SLC4A5: variants seen among roughly 807,000 people sequenced by gnomAD.
The protein encoded by SLC4A5 is electrogenic sodium bicarbonate cotransporter 4.
Under a neutral mutation model 120.4 loss-of-function variants are expected in SLC4A5, and 96 were observed. That is an observed-to-expected ratio of 0.80 (90% CI 0.68 to 0.94). The LOEUF is 0.94. Ranked by LOEUF, SLC4A5 falls within the 40% of genes least tolerant of loss-of-function variation. The pLI is 0.00. For missense variants in SLC4A5, 1,259 were observed against 1,459.5 expected, an observed-to-expected ratio of 0.86 and a Z score of 2.24; for synonymous variants, 550 against 571.1, an observed-to-expected ratio of 0.96 and a Z score of 0.53.
At chr2:74,288,350 C>A (rs558401419) in intron 7 of SLC4A5, among the ~76,000 whole-genome samples, 1 of 152,126 alleles carries the variant, frequency 6.6e-6, no homozygotes, top group Non-Finnish European at 1.5e-5. Flanking sequence ...AAATTCACAA[C>A]CCCTGCCCTC....
At chr2:74,268,816 T>G (rs1671383746) in intron 8 of SLC4A5, among the ~76,000 whole-genome samples, 1 of 152,262 alleles carries the variant, frequency 6.6e-6, no homozygotes, top group African/African-American at 2.4e-5. Flanking sequence ...TTTGCACTCT[T>G]CTGATTACTA....
At chr2:74,231,573 G>A (rs1670086030) in intron 24 of SLC4A5, among the ~76,000 whole-genome samples, 1 of 152,222 alleles carries the variant, frequency 6.6e-6, no homozygotes, top group Non-Finnish European at 1.5e-5. Context: ...GCTTGAGCAG[G>A]ACTGATGTGG....
intron 11 of SLC4A5, among the ~76,000 whole-genome samples, chr2:74,261,686 G>A (rs140637656): frequency 2.5e-4 from 38 of 152,248 alleles, no homozygotes; most frequent in East Asian, 1.4e-3. Context: ...AAAAGGGGCC[G>A]TGACTCTGCC....
chr2:74,325,524 G>A (rs1673197907), intron 5 of SLC4A5, among the ~76,000 whole-genome samples: 1 of 152,128 alleles, frequency 6.6e-6, no homozygotes, highest in Non-Finnish European at 1.5e-5. Context: ...TTGGCCCTGG[G>A]GAAGTGTTTG....
chr2:74,242,467 T>C (rs1386796341), intron 19 of SLC4A5, among the ~76,000 whole-genome samples: 2 of 152,176 alleles, frequency 1.3e-5, no homozygotes, highest in Non-Finnish European at 2.9e-5. Flanking sequence ...TATTCATTTG[T>C]TTAATTCCCA....
intron 27 of SLC4A5, among the ~76,000 whole-genome samples, chr2:74,225,230 C>T (rs887172937): frequency 6.6e-6 from 1 of 152,074 alleles, no homozygotes; most frequent in Non-Finnish European, 1.5e-5. Context: ...CCAAGAGGGA[C>T]GGAGCCTGTG....
intron 6 of SLC4A5, chr2:74,307,468 G>T (rs192681206): frequency 4.8e-6 from 3 of 625,382 alleles, no homozygotes; most frequent in African/African-American, 1.8e-5. Flanking sequence ...TGGAGCCCAC[G>T]GATGTCGCTC....
At chr2:74,308,541 AT>A in intron 6 of SLC4A5, among the ~76,000 whole-genome samples, 1 of 152,294 alleles carries the variant, frequency 6.6e-6, no homozygotes, top group South Asian at 2.1e-4. Flanking sequence ...GTGTTTGCTC[AT>A]ATCTTTTGTC....
intron 10 of SLC4A5, 77 bp from the exon 11 acceptor site, chr2:74,262,309 A>G: frequency 9.7e-7 from 1 of 1,026,998 alleles, no homozygotes; most frequent in Non-Finnish European, 1.5e-6. Flanking sequence ...AGTTCACTTT[A>G]ACTAAATAAA....
chr2:74,277,392 C>T (rs529041835), intron 8 of SLC4A5, among the ~76,000 whole-genome samples: 7 of 151,928 alleles, frequency 4.6e-5, no homozygotes, highest in Non-Finnish European at 7.4e-5. Flanking sequence ...CTACTAAAAA[C>T]GCAAAAACTA....
At chr2:74,261,180 G>A (rs1320811059) in intron 11 of SLC4A5, among the ~76,000 whole-genome samples, 1 of 152,156 alleles carries the variant, frequency 6.6e-6, no homozygotes, top group Non-Finnish European at 1.5e-5. Flanking sequence ...ATCCATTCGT[G>A]CCTCTTGTCC....
intron 5 of SLC4A5, 78 bp downstream of exon 5, chr2:74,328,037 TCTGTG>T (rs1673259905): frequency 9.9e-6 from 7 of 706,720 alleles, no homozygotes; most frequent in Admixed American, 6.3e-5. Flanking sequence ...TCTTAAATAC[TCTGTG>T]TTCATGCTAT....
chr2:74,259,469 T>A (rs942421505), intron 12 of SLC4A5, 119 bp downstream of exon 12: 1 of 1,179,994 alleles, frequency 8.5e-7, no homozygotes, highest in Non-Finnish European at 1.3e-6. Context: ...GGGATCTTCC[T>A]GGAACTCCCA....
At chr2:74,281,290 G>A (rs1671805583) in intron 8 of SLC4A5, among the ~76,000 whole-genome samples, 1 of 152,212 alleles carries the variant, frequency 6.6e-6, no homozygotes, top group Admixed American at 6.5e-5. Flanking sequence ...CTTGGGAGGC[G>A]CTAAGCTCTG....
At position 74,233,382 on chromosome 2, in the gene SLC4A5, G is replaced by C. The variant is rs769366638; in HGVS notation, c.2595+20C>G. Reference sequence around the variant, plus strand: ...GTGGGAAGAAAGAGGTTATGCCTCTGCTCCTAGTACCGGCCTTACCTTCAG... The same window carrying C: ...GTGGGAAGAAAGAGGTTATGCCTCTCCTCCTAGTACCGGCCTTACCTTCAG... On this transcript the variant is annotated intron_variant, in intron 23 of 30. Coordinates refer to ENST00000394019, the Ensembl canonical transcript of SLC4A5. 1.9e-6 allele frequency: 3 copies of C among 1,613,590 alleles called. No homozygotes were observed. Among genetic ancestry groups the C allele is most frequent in the Non-Finnish European group, 2.5e-6 (3 of 1,179,532 alleles).
chr2:74,325,508 T>C (rs1673197442), intron 5 of SLC4A5, among the ~76,000 whole-genome samples: 1 of 152,214 alleles, frequency 6.6e-6, no homozygotes, highest in Non-Finnish European at 1.5e-5. Flanking sequence ...CATCTGAAGC[T>C]GAGTGTTGGC....
intron 7 of SLC4A5, among the ~76,000 whole-genome samples, chr2:74,287,507 C>T (rs1417726922): frequency 6.6e-6 from 1 of 152,174 alleles, no homozygotes; most frequent in African/African-American, 2.4e-5. Flanking sequence ...TGGAAGGTAA[C>T]AGCTGCTTAG....
intron 14 of SLC4A5, among the ~76,000 whole-genome samples, chr2:74,253,661 C>T (rs1173684947): frequency 6.6e-6 from 1 of 151,866 alleles, no homozygotes; most frequent in Non-Finnish European, 1.5e-5. Context: ...CATAAACACA[C>T]TCTTTGAGGC....
intron 5 of SLC4A5, among the ~76,000 whole-genome samples, chr2:74,316,572 G>T (rs944664580): frequency 1.3e-5 from 2 of 152,068 alleles, no homozygotes; most frequent in Non-Finnish European, 2.9e-5. Context: ...ACCCTTTATG[G>T]CAATAAGGTA....
Sources: allele counts gnomAD v4.1 joint callset (sites outside exome capture counted in the v4.1 genomes callset), GRCh38; gene constraint gnomAD v4.1.1; transcripts MANE v1.5; gene names NCBI Gene and HGNC (gene_info 2026-07-23, HGNC 2026-07-21).